The following TMEM117 variants were observed in gnomAD, a reference collection of about 807,000 sequenced individuals.
The protein encoded by TMEM117 is transmembrane protein 117.
TMEM117 carries 27 observed loss-of-function variants against 52.4 expected under a neutral mutation model. The ratio of observed to expected loss-of-function variants is 0.51; its 90% CI spans 0.38 to 0.71. TMEM117 has a LOEUF of 0.71. TMEM117 is among the 30% of genes least tolerant of loss of function. The pLI is 0.00. For missense variants in TMEM117, 556 were observed against 630.5 expected, an observed-to-expected ratio of 0.88 and a Z score of 1.26; for synonymous variants, 215 against 206.3, an observed-to-expected ratio of 1.04 and a Z score of -0.36.
chr12:44,376,467 G>C, intron 6 of TMEM117, 128 bp from the exon 7 acceptor site: 1 of 1,096,796 alleles, frequency 9.1e-7, no homozygotes, highest in East Asian at 2.4e-5. Flanking sequence ...GAATGAAACT[G>C]ATATATCCAA....
At chr12:44,352,800 G>A (rs1951583638) in intron 6 of TMEM117, among the ~76,000 whole-genome samples, 1 of 151,922 alleles carries the variant, frequency 6.6e-6, no homozygotes, top group African/African-American at 2.4e-5. Flanking sequence ...TAATCCTTTG[G>A]GTATATACCT....
rs142143397 is a variant in TMEM117 at position 43,948,794 on chromosome 12, C to T, written c.410+4452C>T. On this transcript the variant is annotated intron_variant, in intron 3 of 7. Coordinates refer to ENST00000266534, the MANE Select transcript of TMEM117 (RefSeq NM_032256.3). ...GGAGGAGATAATGCAGCTTGGTATACTCCTTTAAAATGCATAGCTGAGTTT... is the reference window on the plus strand; with the variant it reads ...GGAGGAGATAATGCAGCTTGGTATATTCCTTTAAAATGCATAGCTGAGTTT... 1.9e-3 allele frequency among the ~76,000 whole-genome samples: 287 copies of T among 152,178 alleles called. 3 individuals carry two copies. The highest frequency in any genetic ancestry group is 6.5e-3 in the African/African-American group (271 of 41,504).
At position 43,980,276 on chromosome 12, in the gene TMEM117, G is replaced by A. The variant is rs182814269; in HGVS notation, c.410+35934G>A. Among the ~76,000 whole-genome samples, 221 of 152,232 alleles carry A rather than the reference G, an allele frequency of 1.5e-3. 3 individuals are homozygous for A. Among genetic ancestry groups the A allele is most frequent in the African/African-American group, 5.0e-3 (206 of 41,534 alleles). ...ATTTAGGCTCTTCTGTGTGGAGTGG[G>A]ATCAAAGCAGCCCTAACTAAAGCCC... On this transcript the variant is annotated intron_variant, in intron 3 of 7. Transcript: ENST00000266534.
the TMEM117 span, among the ~76,000 whole-genome samples, chr12:43,825,753 T>C: frequency 6.6e-6 from 1 of 152,228 alleles, no homozygotes; most frequent in Non-Finnish European, 1.5e-5. Flanking sequence ...ATGAAGATTA[T>C]GAAACTCCAC....
chr12:44,133,693 G>A (rs1907688), intron 3 of TMEM117, among the ~76,000 whole-genome samples: 98,594 of 151,970 alleles, frequency 0.65, 33,564 homozygotes, highest in East Asian at 0.88. Context: ...ATTTGATGAT[G>A]ATGAGGCTTT....
intron 3 of TMEM117, among the ~76,000 whole-genome samples, chr12:43,965,548 A>G (rs866733124): frequency 2.0e-5 from 3 of 152,192 alleles, no homozygotes; most frequent in Non-Finnish European, 2.9e-5. Context: ...AGGCTTGCTC[A>G]TATTTTTCTG....
chr12:44,314,420 C>G (rs1208409735), intron 6 of TMEM117, among the ~76,000 whole-genome samples: 1 of 152,022 alleles, frequency 6.6e-6, no homozygotes, highest in Non-Finnish European at 1.5e-5. Flanking sequence ...TGTGTTGAAC[C>G]AACTGGCATC....
At chr12:44,130,765 T>C (rs921670881) in intron 3 of TMEM117, among the ~76,000 whole-genome samples, 2 of 152,130 alleles carry the variant, frequency 1.3e-5, no homozygotes, top group Non-Finnish European at 2.9e-5. Flanking sequence ...TGTTTTTTTT[T>C]CTAGAAACTT....
intron 3 of TMEM117, among the ~76,000 whole-genome samples, chr12:43,987,712 G>C (rs921581882): frequency 6.6e-6 from 1 of 151,840 alleles, no homozygotes; most frequent in Non-Finnish European, 1.5e-5. Flanking sequence ...TTCTTCTTTC[G>C]TAAAGTTAGG....
chr12:44,220,158 T>C (rs1189264039), intron 5 of TMEM117, among the ~76,000 whole-genome samples: 5 of 152,160 alleles, frequency 3.3e-5, no homozygotes, highest in Non-Finnish European at 5.9e-5. Context: ...AGAATTAATA[T>C]GAAGGGAACT....
At chr12:44,384,737 C>T (rs1239439420) in intron 7 of TMEM117, among the ~76,000 whole-genome samples, 4 of 152,040 alleles carry the variant, frequency 2.6e-5, no homozygotes, top group Non-Finnish European at 5.9e-5. Context: ...TAGGATATAT[C>T]TTTGTTACAA....
chr12:43,990,542 A>T (rs1358835665), intron 3 of TMEM117, among the ~76,000 whole-genome samples: 1 of 152,196 alleles, frequency 6.6e-6, no homozygotes, highest in Non-Finnish European at 1.5e-5. Context: ...AACTTATGAT[A>T]TCATGGTCCA....
At chr12:44,176,243 C>T (rs899053285) in intron 4 of TMEM117, among the ~76,000 whole-genome samples, 2 of 152,156 alleles carry the variant, frequency 1.3e-5, no homozygotes, top group Non-Finnish European at 2.9e-5. Context: ...AATTTAAGCT[C>T]TGCTAGGGCA....
rs565807840 is a variant in TMEM117 at position 43,844,499 on chromosome 12, A to G, written c.-28-125A>G. The G allele has an allele frequency of 8.4e-6, 7 of 831,598 alleles. No individual in the cohort carries two copies. The East Asian group carries it at 1.8e-4, about 22-fold the overall frequency. 51.5% of individuals were successfully genotyped at this position (831,598 alleles called of 1,614,324 possible). ...TTCTCAGACTTGTCTTGGAGCCATG[A>G]GTAGGAACAGGTATCATCTTTTCCA... On this transcript the variant is annotated intron_variant, in intron 1 of 7. Coordinates refer to ENST00000266534, the MANE Select transcript of TMEM117 (RefSeq NM_032256.3).
At chr12:44,387,956 T>G in intron 7 of TMEM117, 70 bp from the exon 8 acceptor site, 2 of 1,343,156 alleles carry the variant, frequency 1.5e-6, no homozygotes, top group Non-Finnish European at 1.0e-6. Flanking sequence ...ATTATCCTCA[T>G]TTTATTGTAG....
At chr12:44,007,001 C>T (rs918558245) in intron 3 of TMEM117, among the ~76,000 whole-genome samples, 2 of 152,094 alleles carry the variant, frequency 1.3e-5, no homozygotes, top group African/African-American at 4.8e-5. Flanking sequence ...AGATATTTGT[C>T]CTAGAGTTTG....
intron 2 of TMEM117, among the ~76,000 whole-genome samples, chr12:43,927,918 CT>C: frequency 6.6e-6 from 1 of 151,934 alleles, no homozygotes; most frequent in Non-Finnish European, 1.5e-5. Flanking sequence ...TATATTAGGA[CT>C]TGATTCTGCC....
At chr12:43,864,745 T>C (rs578152301) in intron 2 of TMEM117, among the ~76,000 whole-genome samples, 1 of 152,282 alleles carries the variant, frequency 6.6e-6, no homozygotes, top group East Asian at 1.9e-4. Context: ...ATCAGCAGGA[T>C]GTGGGTTGGG....
chr12:43,907,301 A>G (rs892153187), intron 2 of TMEM117, among the ~76,000 whole-genome samples: 1 of 151,396 alleles, frequency 6.6e-6, no homozygotes, highest in Non-Finnish European at 1.5e-5. Context: ...TGTTAGAAGG[A>G]AAACTAACAA....
Sources: gnomAD v4.1 joint callset for allele counts (sites outside exome capture counted in the v4.1 genomes callset) on GRCh38, gnomAD v4.1.1 for gene constraint, MANE v1.5 for transcripts, NCBI Gene and HGNC (gene_info 2026-07-23, HGNC 2026-07-21) for gene names.